CHRM3: variants seen among roughly 807,000 people sequenced by gnomAD.
CHRM3 encodes cholinergic receptor muscarinic 3, also known as muscarinic acetylcholine receptor M3.
CHRM3 carries 11 observed loss-of-function variants against 41.8 expected under a neutral mutation model. That is an observed-to-expected ratio of 0.26 (90% CI 0.17 to 0.44). CHRM3 has a LOEUF of 0.44. Among genes scored for constraint, CHRM3 ranks in the 20% least tolerant of loss-of-function variants. The probability of loss-of-function intolerance (pLI) is 1.00; values close to 1 mark genes in which losing one functional copy is unlikely to be tolerated. For synonymous variants in CHRM3, 297 were observed against 301.4 expected (o/e 0.99, Z 0.15); for missense variants, 571 against 745.4 (o/e 0.77, Z 2.72).
At chr1:239,547,693 A>T in intron 3 of CHRM3, among the ~76,000 whole-genome samples, 1 of 152,194 alleles carries the variant, frequency 6.6e-6, no homozygotes, top group East Asian at 1.9e-4. Flanking sequence ...GTATAGTATG[A>T]TTTTAAAATA....
At chr1:239,588,993 G>T (rs1250607127) in intron 3 of CHRM3, among the ~76,000 whole-genome samples, 5 of 151,850 alleles carry the variant, frequency 3.3e-5, no homozygotes, top group Admixed American at 3.3e-4. Context: ...GAGTGCCATG[G>T]TGCAATCCTG....
chr1:239,404,598 G>A (rs1276416873), intron 1 of CHRM3, among the ~76,000 whole-genome samples: 6 of 150,402 alleles, frequency 4.0e-5, no homozygotes, highest in African/African-American at 7.3e-5. Flanking sequence ...TGTTTCTCAG[G>A]CTTTGCAAAG....
At chr1:239,500,990 CAA>C (rs912569689) in intron 2 of CHRM3, among the ~76,000 whole-genome samples, 1 of 152,082 alleles carries the variant, frequency 6.6e-6, no homozygotes, top group Admixed American at 6.6e-5. Flanking sequence ...TTATTTCAGA[CAA>C]AACAAATGTT....
chr1:239,634,345 AATAAAG>A (rs67749636), intron 4 of CHRM3, among the ~76,000 whole-genome samples: 10,295 of 147,542 alleles, frequency 0.07, 496 homozygotes, highest in Middle Eastern at 0.23. Context: ...GAGAGAAAGG[AATAAAG>A]ATAGAGAGCA....
At chr1:239,420,471 C>G (rs902630048) in intron 1 of CHRM3, among the ~76,000 whole-genome samples, 4 of 152,122 alleles carry the variant, frequency 2.6e-5, no homozygotes, top group African/African-American at 9.7e-5. Context: ...CAAGGAGGTC[C>G]TGATTCACAG....
At chr1:239,892,809 G>A (rs904438876) in intron 6 of CHRM3, among the ~76,000 whole-genome samples, 1 of 152,124 alleles carries the variant, frequency 6.6e-6, no homozygotes, top group African/African-American at 2.4e-5. Context: ...TTTTAGCCAA[G>A]GACATAATGT....
At chr1:239,404,350 G>GAGAAAGAAAGAAAGAA (rs1178581793) in intron 1 of CHRM3, among the ~76,000 whole-genome samples, 4 of 68,770 alleles carry the variant, frequency 5.8e-5, no homozygotes, top group East Asian at 4.1e-4. Context: ...GAAAGAGAAA[G>GAGAAAGAAAGAAAGAA]AGAAAGAAAG....
intron 6 of CHRM3, among the ~76,000 whole-genome samples, chr1:239,865,772 T>C: frequency 6.6e-6 from 1 of 152,220 alleles, no homozygotes; most frequent in East Asian, 1.9e-4. Context: ...TGATCAAAAC[T>C]GCTCTACTCA....
At chr1:239,722,435 T>G (rs1211834345) in intron 5 of CHRM3, among the ~76,000 whole-genome samples, 1 of 151,914 alleles carries the variant, frequency 6.6e-6, no homozygotes, top group African/African-American at 2.4e-5. Flanking sequence ...AAAAAGACTT[T>G]CCTCTTGCAA....
At chr1:239,832,210 G>A (rs1319012382) in intron 6 of CHRM3, among the ~76,000 whole-genome samples, 1 of 151,986 alleles carries the variant, frequency 6.6e-6, no homozygotes, top group African/African-American at 2.4e-5. Context: ...TTTTTCATGG[G>A]TTCGTGGCCA....
At chr1:239,410,391 G>T (rs1159179419) in intron 1 of CHRM3, among the ~76,000 whole-genome samples, 2 of 152,254 alleles carry the variant, frequency 1.3e-5, no homozygotes, top group East Asian at 3.9e-4. Context: ...TAGATACTGT[G>T]TGTCTTTTTT....
At chr1:239,775,970 C>A (rs896638914) in intron 5 of CHRM3, among the ~76,000 whole-genome samples, 1 of 152,054 alleles carries the variant, frequency 6.6e-6, no homozygotes, top group African/African-American at 2.4e-5. Context: ...GGCTTTTAAC[C>A]CTTATAGATA....
chr1:239,688,290 T>C (rs899882640), intron 5 of CHRM3, among the ~76,000 whole-genome samples: 10 of 147,244 alleles, frequency 6.8e-5, no homozygotes, highest in Admixed American at 4.1e-4. Flanking sequence ...TATATGTATA[T>C]GTGGGTATTT....
rs1680431287 is a variant in CHRM3, at chr1:239,912,652, G to T, written c.*3428G>T. Reference sequence around the variant, plus strand: ...CAGCTCTGACTCAGGGAGGAAAGAAGGATGCCAAGGCTCTGTCACAGCGGA... The same window carrying T: ...CAGCTCTGACTCAGGGAGGAAAGAATGATGCCAAGGCTCTGTCACAGCGGA... On this transcript the variant is annotated 3_prime_UTR_variant, in exon 7 of 7. Transcript: ENST00000676153. The T allele has an allele frequency of 3.0e-5, 5 of 167,182 alleles. No individual in the cohort carries two copies. 10.4% of individuals were successfully genotyped at this position (167,182 alleles called of 1,614,324 possible).
chr1:239,388,901 G>A (rs1658776530), intron 1 of CHRM3, among the ~76,000 whole-genome samples: 1 of 152,150 alleles, frequency 6.6e-6, no homozygotes, highest in African/African-American at 2.4e-5. Flanking sequence ...CTATTGTTGG[G>A]CTAGAAAGCA....
At chr1:239,400,174 G>A (rs1001702084) in intron 1 of CHRM3, among the ~76,000 whole-genome samples, 1 of 152,218 alleles carries the variant, frequency 6.6e-6, no homozygotes, top group Non-Finnish European at 1.5e-5. Context: ...CTTCCAAAGT[G>A]TGGGGATTAC....
At chr1:239,894,733 G>A (rs1199743907) in intron 6 of CHRM3, among the ~76,000 whole-genome samples, 3 of 151,960 alleles carry the variant, frequency 2.0e-5, no homozygotes, top group Admixed American at 6.6e-5. Flanking sequence ...GCGCCCGACC[G>A]AGAAGTCTTC....
chr1:239,446,177 C>T (rs2354399), intron 1 of CHRM3, among the ~76,000 whole-genome samples: 76,771 of 151,630 alleles, frequency 0.51, 19,911 homozygotes, highest in African/African-American at 0.58. Context: ...CCTCGTGATC[C>T]GCCCGCCTTG....
At chr1:239,810,076 T>C (rs1317982301) in intron 5 of CHRM3, among the ~76,000 whole-genome samples, 3 of 152,172 alleles carry the variant, frequency 2.0e-5, no homozygotes, top group Admixed American at 6.5e-5. Flanking sequence ...GCCACCATTA[T>C]TGTAGTGTTG....
Sources: gnomAD v4.1 joint callset for allele counts (sites outside exome capture counted in the v4.1 genomes callset) on GRCh38, gnomAD v4.1.1 for gene constraint, MANE v1.5 for transcripts, NCBI Gene and HGNC (gene_info 2026-07-23, HGNC 2026-07-21) for gene names.